The following KIAA0232 variants were observed in gnomAD, a reference collection of about 807,000 sequenced individuals.
The protein encoded by KIAA0232 is KIAA0232.
KIAA0232 carries 27 observed loss-of-function variants against 122.0 expected under a neutral mutation model. The observed-to-expected ratio is 0.22, with a 90% CI of 0.16 to 0.31. The LOEUF (loss-of-function observed/expected upper bound fraction) is 0.31, where lower values mean the gene tolerates loss of function less well. KIAA0232 is among the 10% of genes least tolerant of loss of function. The probability of loss-of-function intolerance (pLI) is 1.00; values close to 1 mark genes in which losing one functional copy is unlikely to be tolerated. For missense variants in KIAA0232, 1,551 were observed against 1,634.2 expected (o/e 0.95, Z 0.88); for synonymous variants, 613 against 587.6 (o/e 1.04, Z -0.63).
At chr4:6,784,319 C>G (rs549213218) in intron 1 of KIAA0232, among the ~76,000 whole-genome samples, 141 of 151,918 alleles carry the variant, frequency 9.3e-4, no homozygotes, top group African/African-American at 3.2e-3. Context: ...ATAGGCGATG[C>G]TGTGGATAAA....
chr4:6,850,600 A>G (rs567386128), intron 4 of KIAA0232, among the ~76,000 whole-genome samples: 2 of 151,852 alleles, frequency 1.3e-5, no homozygotes, highest in South Asian at 4.2e-4. Context: ...AACACTGTTT[A>G]TTCTCCTGGT....
chr4:6,792,698 T>TG (rs1245057320), intron 1 of KIAA0232, among the ~76,000 whole-genome samples: 49 of 143,274 alleles, frequency 3.4e-4, no homozygotes, highest in Middle Eastern at 3.5e-3. Flanking sequence ...TTTTTTTGTT[T>TG]TTTTTTTTTG....
intron 2 of KIAA0232, among the ~76,000 whole-genome samples, chr4:6,820,576 ATTC>A (rs1264622823): frequency 6.6e-6 from 1 of 152,200 alleles, no homozygotes; most frequent in Non-Finnish European, 1.5e-5. Flanking sequence ...TAATAATAGT[ATTC>A]TTACATTTCC....
chr4:6,865,960 C>T (rs1055374057), intron 7 of KIAA0232, among the ~76,000 whole-genome samples: 7 of 152,156 alleles, frequency 4.6e-5, no homozygotes, highest in Non-Finnish European at 8.8e-5. Flanking sequence ...TTTGTCGCAT[C>T]AGAGTGCCCA....
At chr4:6,846,647 TG>T (rs1316688176) in intron 4 of KIAA0232, among the ~76,000 whole-genome samples, 1 of 151,840 alleles carries the variant, frequency 6.6e-6, no homozygotes, top group Non-Finnish European at 1.5e-5. Context: ...ACTGGCCTCT[TG>T]GGGAGCCAAT....
chr4:6,809,363 C>T (rs1717775094), intron 2 of KIAA0232, among the ~76,000 whole-genome samples: 1 of 152,162 alleles, frequency 6.6e-6, no homozygotes. Flanking sequence ...GTGAGTAGCT[C>T]ACTTCCAGGA....
chr4:6,810,207 A>G (rs1717814596), intron 2 of KIAA0232, among the ~76,000 whole-genome samples: 1 of 152,236 alleles, frequency 6.6e-6, no homozygotes, highest in Non-Finnish European at 1.5e-5. Context: ...CCGAAACAGC[A>G]TGGTACTGGT....
intron 3 of KIAA0232, among the ~76,000 whole-genome samples, chr4:6,825,272 T>C (rs1718619333): frequency 6.6e-6 from 1 of 152,146 alleles, no homozygotes; most frequent in Admixed American, 6.5e-5. Context: ...GAAATTGGGC[T>C]GGGTGTGGTG....
chr4:6,850,315 C>A (rs1215188322), intron 4 of KIAA0232, among the ~76,000 whole-genome samples: 1 of 152,190 alleles, frequency 6.6e-6, no homozygotes, highest in Non-Finnish European at 1.5e-5. Context: ...TTCCTAATGA[C>A]TTTCCTGGTC....
intron 3 of KIAA0232, among the ~76,000 whole-genome samples, chr4:6,831,627 A>G (rs1204244445): frequency 6.6e-6 from 1 of 152,238 alleles, no homozygotes; most frequent in Non-Finnish European, 1.5e-5. Context: ...ATTTTCACAA[A>G]GATCATATCC....
intron 1 of KIAA0232, among the ~76,000 whole-genome samples, chr4:6,795,686 A>G (rs1717102223): frequency 6.6e-6 from 1 of 152,144 alleles, no homozygotes; most frequent in South Asian, 2.1e-4. Context: ...TTGGTCTCCC[A>G]GGCTCAAGTA....
chr4:6,786,448 A>G (rs1440570069), intron 1 of KIAA0232, among the ~76,000 whole-genome samples: 2 of 152,072 alleles, frequency 1.3e-5, no homozygotes, highest in Non-Finnish European at 2.9e-5. Context: ...GACCACGGGC[A>G]TGCACCACCA....
chr4:6,819,562 T>A (rs1271383505), intron 2 of KIAA0232, among the ~76,000 whole-genome samples: 1 of 152,156 alleles, frequency 6.6e-6, no homozygotes, highest in Non-Finnish European at 1.5e-5. Context: ...AGTTAACATC[T>A]CACAACAGTC....
At chr4:6,796,558 A>T (rs1314686414) in intron 1 of KIAA0232, among the ~76,000 whole-genome samples, 1 of 152,140 alleles carries the variant, frequency 6.6e-6, no homozygotes, top group Non-Finnish European at 1.5e-5. Flanking sequence ...TTCTTTTTTA[A>T]GTGAGTTTCA....
At chr4:6,872,127 C>T (rs754221247) in intron 8 of KIAA0232, among the ~76,000 whole-genome samples, 9 of 152,074 alleles carry the variant, frequency 5.9e-5, no homozygotes, top group Non-Finnish European at 8.8e-5. Context: ...GGTTAGGTAG[C>T]GTCTGACATG....
chr4:6,838,728 T>C (rs1340682062), intron 3 of KIAA0232, among the ~76,000 whole-genome samples: 1 of 54,282 alleles, frequency 1.8e-5, no homozygotes, highest in East Asian at 2.6e-4. Flanking sequence ...TCAAAGCAGC[T>C]TTTTTTTTTT....
At chr4:6,807,553 CTG>C (rs1278550261) in intron 2 of KIAA0232, among the ~76,000 whole-genome samples, 13 of 152,278 alleles carry the variant, frequency 8.5e-5, no homozygotes, top group African/African-American at 3.1e-4. Flanking sequence ...GGGAAGAAAA[CTG>C]TAGGTCTGAT....
chr4:6,802,307 G>T (rs763268865), intron 1 of KIAA0232, among the ~76,000 whole-genome samples: 4 of 152,152 alleles, frequency 2.6e-5, no homozygotes, highest in African/African-American at 7.2e-5. Flanking sequence ...GCAAGATGTC[G>T]GGTGAGGCAG....
rs1262380095 is a variant in KIAA0232, at chr4:6,824,190, G to T, written c.-264G>T. 3.8e-6 allele frequency: 2 copies of T among 524,350 alleles called. No homozygotes were observed. Among genetic ancestry groups the T allele is most frequent in the African/African-American group, 3.8e-5 (2 of 53,096 alleles). The allele number at this position is 524,350 out of a possible 1,614,324, so 32.5% of individuals were successfully genotyped here. A position where few individuals can be genotyped will look rare whatever the true frequency, so the allele number is the denominator to read the frequency against. On this transcript the variant is annotated 5_prime_UTR_variant, in exon 3 of 10. Coordinates refer to ENST00000307659, the MANE Select transcript of KIAA0232 (RefSeq NM_014743.3). ...TTCCTCTCTCATTTTTGTAGGTTCTGCCGGAGACTTCCATTTGGCCTCAAT... is the reference window on the plus strand; with the variant it reads ...TTCCTCTCTCATTTTTGTAGGTTCTTCCGGAGACTTCCATTTGGCCTCAAT...
Sources: allele counts gnomAD v4.1 joint callset (sites outside exome capture counted in the v4.1 genomes callset), GRCh38; gene constraint gnomAD v4.1.1; transcripts MANE v1.5; gene names NCBI Gene and HGNC (gene_info 2026-07-23, HGNC 2026-07-21).